Variants in SDCCAG8 observed in about 807,000 individuals in gnomAD.
SDCCAG8 encodes the protein SHH signaling and ciliogenesis regulator SDCCAG8, also known as serologically defined colon cancer antigen 8.
SDCCAG8 carries 74 observed loss-of-function variants against 101.8 expected under a neutral mutation model. That is an observed-to-expected ratio of 0.73 (90% CI 0.60 to 0.88). SDCCAG8 has a LOEUF of 0.88. Ranked by LOEUF, SDCCAG8 falls within the 40% of genes least tolerant of loss-of-function variation. SDCCAG8 has a pLI of 0.00. For missense variants in SDCCAG8, 787 were observed against 822.6 expected (o/e 0.96, Z 0.53); for synonymous variants, 281 against 292.9 (o/e 0.96, Z 0.41).
chr1:243,378,276 C>T (rs1175601816), intron 12 of SDCCAG8, among the ~76,000 whole-genome samples: 2 of 151,332 alleles, frequency 1.3e-5, no homozygotes, highest in Non-Finnish European at 2.9e-5. Flanking sequence ...ATTTATTTTA[C>T]CTTTAATTTG....
intron 16 of SDCCAG8, among the ~76,000 whole-genome samples, chr1:243,453,639 A>T (rs1038087215): frequency 6.6e-6 from 1 of 152,216 alleles, no homozygotes; most frequent in Non-Finnish European, 1.5e-5. Context: ...TTTGCCATCA[A>T]TCGTATTTTG....
At chr1:243,347,226 G>A (rs533436976) in intron 12 of SDCCAG8, among the ~76,000 whole-genome samples, 11 of 151,898 alleles carry the variant, frequency 7.2e-5, no homozygotes, top group Non-Finnish European at 1.2e-4. Context: ...TATTTTAAAT[G>A]GATCTCAGAC....
At chr1:243,337,894 A>G (rs2075120391) in intron 10 of SDCCAG8, among the ~76,000 whole-genome samples, 1 of 151,490 alleles carries the variant, frequency 6.6e-6, no homozygotes, top group Admixed American at 6.6e-5. Context: ...TCAAATGAAA[A>G]TTAATTCCAT....
intron 16 of SDCCAG8, among the ~76,000 whole-genome samples, chr1:243,462,751 T>C (rs770869612): frequency 1.3e-5 from 2 of 152,210 alleles, no homozygotes; most frequent in Admixed American, 6.5e-5. Context: ...ATCATAGTGC[T>C]GTTGGGTCCC....
intron 12 of SDCCAG8, among the ~76,000 whole-genome samples, chr1:243,369,805 T>C (rs2077185955): frequency 6.6e-6 from 1 of 152,150 alleles, no homozygotes. Context: ...GTCAGACAAT[T>C]TTAAAACTCC....
intron 15 of SDCCAG8, among the ~76,000 whole-genome samples, chr1:243,426,176 T>C (rs563413703): frequency 4.0e-5 from 6 of 151,894 alleles, no homozygotes; most frequent in Non-Finnish European, 8.8e-5. Context: ...TTGATCATTA[T>C]CATGTTTGTC....
chr1:243,392,055 AT>A (rs1427841508), intron 13 of SDCCAG8, among the ~76,000 whole-genome samples: 1 of 152,310 alleles, frequency 6.6e-6, no homozygotes, highest in East Asian at 1.9e-4. Flanking sequence ...CTTGGGGAAA[AT>A]CCCCTATTGT....
intron 4 of SDCCAG8, among the ~76,000 whole-genome samples, chr1:243,280,919 C>G (rs1358190375): frequency 3.3e-5 from 5 of 152,178 alleles, no homozygotes; most frequent in Non-Finnish European, 5.9e-5. Flanking sequence ...CAGTTAGATC[C>G]AGTTGATTGA....
intron 13 of SDCCAG8, among the ~76,000 whole-genome samples, chr1:243,389,245 AT>A (rs1408152180): frequency 6.6e-6 from 1 of 151,662 alleles, no homozygotes; most frequent in East Asian, 1.9e-4. Flanking sequence ...TGAAGTGCAC[AT>A]TTTTGTCCAT....
chr1:243,495,861 G>A (rs1667721948), intron 17 of SDCCAG8, among the ~76,000 whole-genome samples: 1 of 152,154 alleles, frequency 6.6e-6, no homozygotes, highest in South Asian at 2.1e-4. Flanking sequence ...TATCAAACTG[G>A]CTGCCCCTCA....
intron 15 of SDCCAG8, among the ~76,000 whole-genome samples, chr1:243,419,414 CAAACA>C (rs2080833491): frequency 6.6e-6 from 1 of 152,068 alleles, no homozygotes; most frequent in African/African-American, 2.4e-5. Flanking sequence ...TAGAAGCAAA[CAAACA>C]AGATTGTATC....
rs555779954 is a variant in SDCCAG8 at position 243,352,266 on chromosome 1, G to T, written c.1473+7935G>T. On this transcript the variant is annotated intron_variant, in intron 12 of 17. Transcript: ENST00000366541. The stretch of plus-strand genomic sequence containing the variant: ...CTTAGAAATAATATGCCTTATAGGA[G>T]AAACATTAAGAAATAAATATTTGCC... 2.5e-3 allele frequency among the ~76,000 whole-genome samples: 380 copies of T among 152,272 alleles called. 2 individuals carry two copies. Among genetic ancestry groups the T allele is most frequent in the African/African-American group, 8.8e-3 (366 of 41,572 alleles).
intron 7 of SDCCAG8, chr1:243,306,352 CATT>C (rs1439993615): frequency 6.6e-6 from 1 of 151,844 alleles, no homozygotes; most frequent in East Asian, 1.9e-4. Flanking sequence ...ATTTCTAGAT[CATT>C]GTACTTAAGG....
chr1:243,442,075 G>T (rs963750274), intron 16 of SDCCAG8, among the ~76,000 whole-genome samples: 3 of 152,180 alleles, frequency 2.0e-5, no homozygotes, highest in East Asian at 1.9e-4. Context: ...CCTCAAATTG[G>T]TAGCATTCAA....
intron 17 of SDCCAG8, among the ~76,000 whole-genome samples, chr1:243,490,116 G>A (rs1323590455): frequency 1.3e-5 from 2 of 152,248 alleles, no homozygotes; most frequent in Admixed American, 6.5e-5. Context: ...AAATGAAAAC[G>A]AAGAGGAGTC....
At chr1:243,390,410 G>C (rs577358719) in intron 13 of SDCCAG8, among the ~76,000 whole-genome samples, 1 of 152,162 alleles carries the variant, frequency 6.6e-6, no homozygotes, top group East Asian at 1.9e-4. Flanking sequence ...AAAAGAAAAG[G>C]CATTTCATTT....
At chr1:243,290,463 T>C (rs79753779) in intron 5 of SDCCAG8, among the ~76,000 whole-genome samples, 5,543 of 152,284 alleles carry the variant, frequency 0.036, 135 homozygotes, top group Middle Eastern at 0.13. Flanking sequence ...CCCTCCTTCA[T>C]TGATCTCAAA....
At chr1:243,307,075 T>TG (rs1553303592) in intron 7 of SDCCAG8, among the ~76,000 whole-genome samples, 104 of 151,624 alleles carry the variant, frequency 6.9e-4, no homozygotes, top group African/African-American at 2.5e-3. Flanking sequence ...TTTTTTTTTT[T>TG]GAAGTACAAA....
chr1:243,394,675 T>C (rs749041346), intron 13 of SDCCAG8, among the ~76,000 whole-genome samples: 2 of 152,208 alleles, frequency 1.3e-5, no homozygotes, highest in Non-Finnish European at 2.9e-5. Context: ...CAGTTCTTTA[T>C]TAAGGAGTTT....
Sources: allele counts gnomAD v4.1 joint callset (sites outside exome capture counted in the v4.1 genomes callset), GRCh38; gene constraint gnomAD v4.1.1; transcripts MANE v1.5; gene names NCBI Gene and HGNC (gene_info 2026-07-23, HGNC 2026-07-21).